Variants in PPP2R2A observed in about 807,000 individuals in gnomAD.
The protein encoded by PPP2R2A is serine/threonine-protein phosphatase 2A 55 kDa regulatory subunit B alpha isoform.
PPP2R2A carries 9 observed loss-of-function variants against 53.2 expected under a neutral mutation model. The ratio of observed to expected loss-of-function variants is 0.17; its 90% CI spans 0.10 to 0.30. The LOEUF is 0.30. PPP2R2A is among the 10% of genes least tolerant of loss of function. PPP2R2A has a pLI of 1.00. For missense variants in PPP2R2A, 235 were observed against 534.6 expected (o/e 0.44, Z 5.53); for synonymous variants, 169 against 174.2 (o/e 0.97, Z 0.23).
chr8:26,337,044 A>C (rs1173064886), intron 2 of PPP2R2A, among the ~76,000 whole-genome samples: 4 of 152,136 alleles, frequency 2.6e-5, no homozygotes, highest in African/African-American at 9.7e-5. Context: ...ATTTAGGTGG[A>C]TGCAACAACT....
intron 4 of PPP2R2A, among the ~76,000 whole-genome samples, chr8:26,357,800 G>A (rs1161980430): frequency 6.6e-6 from 1 of 151,894 alleles, no homozygotes; most frequent in Middle Eastern, 3.2e-3. Flanking sequence ...TTTCTCCAAT[G>A]CTTTAGTTAT....
intron 3 of PPP2R2A, among the ~76,000 whole-genome samples, chr8:26,347,220 T>C (rs572037721): frequency 1.3e-5 from 2 of 152,030 alleles, no homozygotes; most frequent in African/African-American, 2.4e-5. Flanking sequence ...ATCTGAATCT[T>C]CTCTCAGAGA....
intron 2 of PPP2R2A, among the ~76,000 whole-genome samples, chr8:26,295,475 A>G (rs146373336): frequency 6.6e-6 from 1 of 152,338 alleles, no homozygotes; most frequent in East Asian, 1.9e-4. Flanking sequence ...ACCATTTTTT[A>G]TCCATACCAT....
intron 4 of PPP2R2A, among the ~76,000 whole-genome samples, chr8:26,359,598 T>C (rs1325899632): frequency 6.6e-6 from 1 of 152,032 alleles, no homozygotes; most frequent in Admixed American, 6.6e-5. Context: ...TAATCAGTTT[T>C]CTTCAGGCCC....
chr8:26,316,119 C>T (rs1011773348), intron 2 of PPP2R2A, among the ~76,000 whole-genome samples: 57 of 152,156 alleles, frequency 3.7e-4, no homozygotes, highest in Non-Finnish European at 2.4e-4. Flanking sequence ...GTTCTCCTGC[C>T]TCAGCCTCCC....
chr8:26,322,233 G>C (rs1449207037), intron 2 of PPP2R2A, among the ~76,000 whole-genome samples: 1 of 152,132 alleles, frequency 6.6e-6, no homozygotes, highest in African/African-American at 2.4e-5. Context: ...TAGCAGCAGG[G>C]TTTTAGAAAT....
chr8:26,308,954 G>C (rs1187147706), intron 2 of PPP2R2A, among the ~76,000 whole-genome samples: 1 of 151,986 alleles, frequency 6.6e-6, no homozygotes, highest in Non-Finnish European at 1.5e-5. Flanking sequence ...TTGACTTCCT[G>C]GGCTCAGGTG....
intron 2 of PPP2R2A, among the ~76,000 whole-genome samples, chr8:26,332,672 C>T (rs1033409663): frequency 2.4e-4 from 37 of 152,262 alleles, no homozygotes; most frequent in East Asian, 1.9e-4. Flanking sequence ...ATGTGTATCA[C>T]CCAGTGCCTT....
At chr8:26,292,560 G>A (rs1407611039) in intron 1 of PPP2R2A, 1 of 591,718 alleles carries the variant, frequency 1.7e-6, no homozygotes, top group Non-Finnish European at 2.1e-6. Flanking sequence ...GGAGTTCAGA[G>A]ATATAAATAG....
intron 3 of PPP2R2A, among the ~76,000 whole-genome samples, chr8:26,353,208 T>C (rs1265198350): frequency 6.6e-6 from 1 of 152,188 alleles, no homozygotes; most frequent in East Asian, 1.9e-4. Context: ...AGACCAAGGC[T>C]CTGAGTCTGA....
intron 2 of PPP2R2A, among the ~76,000 whole-genome samples, chr8:26,323,314 A>C (rs181826999): frequency 5.4e-4 from 83 of 152,342 alleles, no homozygotes; most frequent in Admixed American, 2.0e-3. Flanking sequence ...TTCATCTGTA[A>C]GTTTTTCTCT....
At chr8:26,313,393 T>G (rs1802384362) in intron 2 of PPP2R2A, among the ~76,000 whole-genome samples, 1 of 152,092 alleles carries the variant, frequency 6.6e-6, no homozygotes, top group Admixed American at 6.6e-5. Flanking sequence ...AATCCACAGA[T>G]GGAAATGGTA....
chr8:26,294,970 A>G (rs1353699555), intron 2 of PPP2R2A, among the ~76,000 whole-genome samples: 2 of 152,156 alleles, frequency 1.3e-5, no homozygotes, highest in Non-Finnish European at 2.9e-5. Context: ...AGGTTTTCTG[A>G]TGAAGTCAGT....
At chr8:26,361,866 T>G (rs1260556947) in intron 6 of PPP2R2A, among the ~76,000 whole-genome samples, 1 of 151,514 alleles carries the variant, frequency 6.6e-6, no homozygotes, top group Admixed American at 6.6e-5. Flanking sequence ...GAGGCTGAGT[T>G]AGGAGAATTG....
At chr8:26,329,439 G>T (rs1344268143) in intron 2 of PPP2R2A, among the ~76,000 whole-genome samples, 1 of 151,588 alleles carries the variant, frequency 6.6e-6, no homozygotes, top group Non-Finnish European at 1.5e-5. Flanking sequence ...TCTGCATTGG[G>T]CATTGGGCAT....
At chr8:26,334,196 T>C (rs1327859554) in intron 2 of PPP2R2A, among the ~76,000 whole-genome samples, 2 of 152,190 alleles carry the variant, frequency 1.3e-5, no homozygotes, top group Non-Finnish European at 2.9e-5. Flanking sequence ...ATACAGGCAT[T>C]TTTCATTGTA....
intron 2 of PPP2R2A, among the ~76,000 whole-genome samples, chr8:26,312,180 ATGT>A (rs1802321733): frequency 2.0e-5 from 3 of 152,234 alleles, no homozygotes; most frequent in Admixed American, 6.5e-5. Flanking sequence ...TGGAAAGCAA[ATGT>A]TATTATACCA....
chr8:26,351,832 G>A (rs1486156505), intron 3 of PPP2R2A, among the ~76,000 whole-genome samples: 1 of 152,166 alleles, frequency 6.6e-6, no homozygotes, highest in Non-Finnish European at 1.5e-5. Context: ...ACTTGGTTAT[G>A]ATGTCCTTTA....
intron 3 of PPP2R2A, among the ~76,000 whole-genome samples, chr8:26,352,065 A>G (rs539468559): frequency 6.6e-6 from 1 of 152,220 alleles, no homozygotes; most frequent in African/African-American, 2.4e-5. Context: ...ATGGTTAGGA[A>G]GATGATTCTC....
Sources: allele counts gnomAD v4.1 joint callset (sites outside exome capture counted in the v4.1 genomes callset), GRCh38; gene constraint gnomAD v4.1.1; transcripts MANE v1.5; gene names NCBI Gene and HGNC (gene_info 2026-07-23, HGNC 2026-07-21).